Variants in PTPRT observed in about 807,000 individuals in gnomAD.
PTPRT encodes protein tyrosine phosphatase receptor type T.
Under a neutral mutation model 176.8 loss-of-function variants are expected in PTPRT, and 56 were observed. That is an observed-to-expected ratio of 0.32 (90% CI 0.26 to 0.40). PTPRT has a LOEUF of 0.40. Ranked by LOEUF, PTPRT falls within the 10% of genes least tolerant of loss-of-function variation. The pLI is 1.00. For synonymous variants in PTPRT, 783 were observed against 739.0 expected (o/e 1.06, Z -0.96); for missense variants, 1,540 against 1,908.2 (o/e 0.81, Z 3.60).
chr20:43,170,878 T>G (rs895881334), intron 1 of PTPRT, among the ~76,000 whole-genome samples: 1 of 152,238 alleles, frequency 6.6e-6, no homozygotes, highest in Admixed American at 6.5e-5. Flanking sequence ...TTCAACAATA[T>G]AGTCAATCTT....
rs113210119 is a variant in PTPRT, at chr20:42,275,457, A to G, written c.2176+7032T>C. On this transcript the variant is annotated intron_variant, in intron 13 of 30. Transcript: ENST00000373187. ...GATAATTCTTATTTCTAGTTGAGAA[A>G]GATGGATTGGAACTCCCAAGGTACA... Among the ~76,000 whole-genome samples, 904 of 152,336 alleles carry G rather than the reference A, an allele frequency of 5.9e-3. 5 individuals are homozygous for G. The highest frequency in any genetic ancestry group is 0.01 in the Non-Finnish European group (713 of 68,038).
At position 42,079,205 on chromosome 20, in the gene PTPRT, G is replaced by A. The variant is rs1983073579; in HGVS notation, c.*1674C>T. ...ATGAGACTGGCTTTCCTGGGGAGCTGGGAATGTGTTACTAAAATATATCTG... is the reference window on the plus strand; with the variant it reads ...ATGAGACTGGCTTTCCTGGGGAGCTAGGAATGTGTTACTAAAATATATCTG... On this transcript the variant is annotated 3_prime_UTR_variant, in exon 31 of 31. Coordinates refer to ENST00000373187, the MANE Select transcript of PTPRT (RefSeq NM_007050.6). 1 of 207,070 alleles carries A rather than the reference G, an allele frequency of 4.8e-6. No individual in the cohort carries two copies. The highest frequency in any genetic ancestry group is 2.3e-5 in the African/African-American group (1 of 43,890). The allele number at this position is 207,070 out of a possible 1,614,324, so 12.8% of individuals were successfully genotyped here.
chr20:42,489,008 TTGTGTGTGTG>T (rs56267962), intron 7 of PTPRT, among the ~76,000 whole-genome samples: 10,743 of 131,134 alleles, frequency 0.082, 513 homozygotes, highest in East Asian at 0.17. Context: ...TCAACCAAGT[TTGTGTGTGTG>T]TGTGTGTGTG....
At chr20:42,174,598 C>A (rs1407069933) in intron 16 of PTPRT, among the ~76,000 whole-genome samples, 1 of 152,172 alleles carries the variant, frequency 6.6e-6, no homozygotes, top group African/African-American at 2.4e-5. Flanking sequence ...GGACTGCCAG[C>A]AACTCGGACA....
chr20:42,350,239 T>TTTC (rs758785457), intron 11 of PTPRT, among the ~76,000 whole-genome samples: 28,337 of 138,440 alleles, frequency 0.2, 3,752 homozygotes, highest in East Asian at 0.67. Flanking sequence ...TTTTTTTTTT[T>TTTC]TTTTTTTGAG....
intron 9 of PTPRT, among the ~76,000 whole-genome samples, chr20:42,380,262 C>T (rs1221258670): frequency 1.3e-5 from 2 of 152,212 alleles, no homozygotes; most frequent in Non-Finnish European, 2.9e-5. Flanking sequence ...CTAAATCACG[C>T]TGCCACCTTC....
intron 7 of PTPRT, among the ~76,000 whole-genome samples, chr20:42,605,453 T>C (rs1348511169): frequency 6.6e-6 from 1 of 152,210 alleles, no homozygotes; most frequent in Non-Finnish European, 1.5e-5. Flanking sequence ...TTTACTCACT[T>C]CTTAGACGTC....
chr20:42,345,582 A>ATGTGTG (rs56310086), intron 11 of PTPRT, among the ~76,000 whole-genome samples: 1,116 of 94,650 alleles, frequency 0.012, 33 homozygotes, highest in African/African-American at 0.029. Flanking sequence ...ATACATATAT[A>ATGTGTG]TGTGTGTGTG....
intron 9 of PTPRT, among the ~76,000 whole-genome samples, chr20:42,419,879 G>A (rs1600993480): frequency 1.3e-5 from 2 of 152,268 alleles, no homozygotes; most frequent in South Asian, 2.1e-4. Context: ...CTGAAGAGAC[G>A]CACACCTAGC....
intron 1 of PTPRT, among the ~76,000 whole-genome samples, chr20:42,975,170 G>A (rs988897640): frequency 2.0e-5 from 3 of 152,060 alleles, no homozygotes; most frequent in Non-Finnish European, 2.9e-5. Context: ...CCATTGCTTT[G>A]AAAATAATTG....
chr20:43,121,691 C>A (rs2013267711), intron 1 of PTPRT, among the ~76,000 whole-genome samples: 5 of 152,048 alleles, frequency 3.3e-5, no homozygotes, highest in Admixed American at 2.6e-4. Flanking sequence ...TTTATTCATG[C>A]CAAGACAAGA....
At chr20:42,994,896 T>C (rs1206704726) in intron 1 of PTPRT, among the ~76,000 whole-genome samples, 1 of 152,230 alleles carries the variant, frequency 6.6e-6, no homozygotes, top group Non-Finnish European at 1.5e-5. Context: ...CCAGTTCTGC[T>C]ACTTCCTAAC....
chr20:42,528,223 C>A (rs1367015671), intron 7 of PTPRT, among the ~76,000 whole-genome samples: 1 of 152,060 alleles, frequency 6.6e-6, no homozygotes, highest in African/African-American at 2.4e-5. Context: ...GCTTACCCAC[C>A]CTTCAGAACT....
At chr20:42,812,402 C>T (rs1032908063) in intron 2 of PTPRT, among the ~76,000 whole-genome samples, 2 of 152,184 alleles carry the variant, frequency 1.3e-5, no homozygotes, top group East Asian at 3.9e-4. Context: ...TTCTCTCCTG[C>T]CCCAGTCTGG....
intron 7 of PTPRT, among the ~76,000 whole-genome samples, chr20:42,504,881 C>A (rs2071816506): frequency 6.6e-6 from 1 of 152,130 alleles, no homozygotes; most frequent in African/African-American, 2.4e-5. Flanking sequence ...CTTTGGTCCT[C>A]CAAATATTTT....
chr20:42,038,838 C>A, the PTPRT span, among the ~76,000 whole-genome samples: 1 of 152,194 alleles, frequency 6.6e-6, no homozygotes, highest in African/African-American at 2.4e-5. Context: ...CCTTGTGCTG[C>A]ATCAGCAGAG....
chr20:42,810,004 G>C (rs1411990481), intron 2 of PTPRT, among the ~76,000 whole-genome samples: 1 of 152,104 alleles, frequency 6.6e-6, no homozygotes, highest in Non-Finnish European at 1.5e-5. Flanking sequence ...TAATAAAATA[G>C]AGTAGGGGCC....
At chr20:42,460,155 G>A (rs1177059634) in intron 8 of PTPRT, among the ~76,000 whole-genome samples, 5 of 152,156 alleles carry the variant, frequency 3.3e-5, no homozygotes, top group African/African-American at 9.7e-5. Context: ...AAATGACTCC[G>A]GAGGGCTGGG....
intron 1 of PTPRT, among the ~76,000 whole-genome samples, chr20:43,094,209 T>C (rs1363207352): frequency 6.7e-6 from 1 of 149,120 alleles, no homozygotes; most frequent in Non-Finnish European, 1.5e-5. Flanking sequence ...TGCCTCAGCC[T>C]CCCGAGTAGC....
Sources: allele counts gnomAD v4.1 joint callset (sites outside exome capture counted in the v4.1 genomes callset), GRCh38; gene constraint gnomAD v4.1.1; transcripts MANE v1.5; gene names NCBI Gene and HGNC (gene_info 2026-07-23, HGNC 2026-07-21).